Variants in AHCY observed in about 807,000 individuals in gnomAD.
AHCY encodes the protein S-adenosyl-L-homocysteine hydrolase.
In AHCY, 24 loss-of-function variants were observed where a neutral mutation model predicts 45.4. The ratio of observed to expected loss-of-function variants is 0.53; its 90% CI spans 0.38 to 0.74. The LOEUF (loss-of-function observed/expected upper bound fraction) is 0.74, where lower values mean the gene tolerates loss of function less well. Among genes scored for constraint, AHCY ranks in the 30% least tolerant of loss-of-function variants. The pLI is 0.00. For synonymous variants in AHCY, 245 were observed against 235.1 expected, an observed-to-expected ratio of 1.04 and a Z score of -0.39; for missense variants, 449 against 594.1, an observed-to-expected ratio of 0.76 and a Z score of 2.54.
At chr20:34,243,246 T>A in the AHCY span, among the ~76,000 whole-genome samples, 1 of 152,182 alleles carries the variant, frequency 6.6e-6, no homozygotes, top group Non-Finnish European at 1.5e-5. Flanking sequence ...CCTCAGGCAG[T>A]CTGGGCCTGC....
rs1391812572 is a variant in AHCY at position 34,285,579 on chromosome 20, C to T, written c.1028G>A (p.Arg343Gln). 2 of 1,614,112 alleles carry T rather than the reference C, an allele frequency of 1.2e-6. No individual in the cohort carries two copies. The highest frequency in any genetic ancestry group is 1.7e-6 in the Non-Finnish European group (2 of 1,180,020). Reference protein sequence around the residue: ...GRRIILLAEGRLVNLGCAMGH... With the variant: ...GRRIILLAEGQLVNLGCAMGH... ...CATGGCACAACCCAGGTTGACCAGCCGACCCTCGGCCAGCAGGATGATGCG... is the reference window on the plus strand; with the variant it reads ...CATGGCACAACCCAGGTTGACCAGCTGACCCTCGGCCAGCAGGATGATGCG... The change falls in exon 9 of 10, where the codon CGG becomes CAG. Residue 343 changes from arginine to glutamine, a missense_variant. Coordinates refer to ENST00000217426, the MANE Select transcript of AHCY (RefSeq NM_000687.4).
chr20:34,246,657 C>G, the AHCY span: 1 of 515,424 alleles, frequency 1.9e-6, no homozygotes, highest in Non-Finnish European at 3.6e-6. Flanking sequence ...GGGGTTTCGC[C>G]ATGTTGCCCA....
chr20:34,301,905 G>T, intron 1 of AHCY: 1 of 985,398 alleles, frequency 1.0e-6, no homozygotes, highest in Non-Finnish European at 1.2e-6. Context: ...CCACCTCTAT[G>T]AAGATTATTG....
chr20:34,289,437 T>G (rs2036296079), intron 8 of AHCY, among the ~76,000 whole-genome samples: 1 of 149,622 alleles, frequency 6.7e-6, no homozygotes, highest in Non-Finnish European at 1.5e-5. Context: ...CCTCCCAAAG[T>G]GCTGGGATTA....
In AHCY at chr20:34,295,532, C is replaced by A; in HGVS notation, c.82G>T (p.Glu28Ter). 6.2e-7 allele frequency: 1 copy of A among 1,614,130 alleles called. No homozygotes were observed. The highest frequency in any genetic ancestry group is 1.1e-5 in the South Asian group (1 of 91,080). ...GRKALDIAEN[E>*]MPGLMRMRER... The stretch of plus-strand genomic sequence containing the variant: ...CGCATACGCATCAGGCCCGGCATCT[C>A]GTTCTCAGCAATGTCCAGGGCCTTG... The change falls in exon 2 of 10, where the codon GAG becomes TAG. Residue 28 changes from glutamate to a stop codon, truncating the protein, a stop_gained. Coordinates refer to ENST00000217426, the MANE Select transcript of AHCY (RefSeq NM_000687.4). LOFTEE classifies it high-confidence loss of function.
At chr20:34,254,069 C>A in the AHCY span, among the ~76,000 whole-genome samples, 1 of 151,326 alleles carries the variant, frequency 6.6e-6, no homozygotes, top group South Asian at 2.1e-4. Context: ...TGTTTTGTTT[C>A]GTTTTTTTTT....
chr20:34,311,016 C>T (rs377270160), intron 1 of AHCY, among the ~76,000 whole-genome samples: 2 of 151,980 alleles, frequency 1.3e-5, no homozygotes, highest in Admixed American at 6.6e-5. Flanking sequence ...ATCCCAGCTA[C>T]TCAGTAGGCT....
chr20:34,267,400 G>A, the AHCY span, among the ~76,000 whole-genome samples: 3 of 148,774 alleles, frequency 2.0e-5, no homozygotes, highest in Non-Finnish European at 4.4e-5. Context: ...GGCCAGGCGC[G>A]GTGGCTCACA....
chr20:34,287,117 A>G (rs905689201), intron 8 of AHCY, among the ~76,000 whole-genome samples: 13 of 152,110 alleles, frequency 8.5e-5, no homozygotes, highest in African/African-American at 3.1e-4. Flanking sequence ...CAGGTTTCCA[A>G]GCTGCTCCAG....
At chr20:34,276,175 C>T (rs773138662), downstream of AHCY, among the ~76,000 whole-genome samples, 45 of 152,304 alleles carry the variant, frequency 3.0e-4, no homozygotes, top group Admixed American at 1.2e-3. Flanking sequence ...GCAAATTCTA[C>T]ACTTGGTGTG....
rs915250306 is a variant in AHCY, at chr20:34,295,605, G to C, written c.29-20C>G. 10 of 1,611,772 alleles carry C rather than the reference G, an allele frequency of 6.2e-6. No homozygotes were observed. In the African/African-American group the frequency reaches 1.1e-4, roughly 17 times the overall value. On this transcript the variant is annotated intron_variant, in intron 1 of 9. Coordinates refer to ENST00000217426, the MANE Select transcript of AHCY (RefSeq NM_000687.4). Reference sequence around the variant, plus strand: ...TGTCGGCTACGGGAGGAAACAGGTGGGAGTTCCGTGAGTCCCCTCATCCCA... The same window carrying C: ...TGTCGGCTACGGGAGGAAACAGGTGCGAGTTCCGTGAGTCCCCTCATCCCA...
At chr20:34,276,147 T>C (rs566999867), downstream of AHCY, among the ~76,000 whole-genome samples, 2 of 152,304 alleles carry the variant, frequency 1.3e-5, no homozygotes, top group East Asian at 1.9e-4. Flanking sequence ...CTCCACCTAC[T>C]GTGCAACAGG....
chr20:34,255,955 T>G, the AHCY span, among the ~76,000 whole-genome samples: 1 of 152,114 alleles, frequency 6.6e-6, no homozygotes, highest in African/African-American at 2.4e-5. Context: ...AGGCCTGACA[T>G]CAGTCAGGCC....
chr20:34,308,684 T>A (rs2036918805), intron 1 of AHCY, among the ~76,000 whole-genome samples: 1 of 151,682 alleles, frequency 6.6e-6, no homozygotes, highest in Non-Finnish European at 1.5e-5. Context: ...CACAGAGAGT[T>A]GCTCTGTCAC....
At chr20:34,252,321 G>T in the AHCY span, among the ~76,000 whole-genome samples, 1 of 152,186 alleles carries the variant, frequency 6.6e-6, no homozygotes, top group South Asian at 2.1e-4. Context: ...TTAGTGAGGG[G>T]AGTGTAGCAG....
the AHCY span, chr20:34,245,831 T>A: frequency 1.3e-6 from 1 of 761,678 alleles, no homozygotes; most frequent in Non-Finnish European, 1.7e-6. Flanking sequence ...AGTCTACAGT[T>A]TTACTGTAGA....
the AHCY span, among the ~76,000 whole-genome samples, chr20:34,248,493 C>T: frequency 6.6e-6 from 1 of 152,240 alleles, no homozygotes; most frequent in Admixed American, 6.5e-5. Context: ...TCTCAGAGGG[C>T]AAATCCTCAC....
chr20:34,242,511 G>A, the AHCY span, among the ~76,000 whole-genome samples: 1 of 152,310 alleles, frequency 6.6e-6, no homozygotes, highest in South Asian at 2.1e-4. Context: ...GGGATTACAG[G>A]CGTGAGCCAC....
At chr20:34,257,065 TTTCTC>T in the AHCY span, among the ~76,000 whole-genome samples, 3 of 88,912 alleles carry the variant, frequency 3.4e-5, no homozygotes. Context: ...TCTCTCTTTC[TTTCTC>T]TTTTTTTTTT....
Sources: allele counts gnomAD v4.1 joint callset (sites outside exome capture counted in the v4.1 genomes callset), GRCh38; gene constraint gnomAD v4.1.1; transcripts MANE v1.5; gene names NCBI Gene and HGNC (gene_info 2026-07-23, HGNC 2026-07-21).